HSPA4: variants seen among roughly 807,000 people sequenced by gnomAD.
HSPA4 encodes the protein heat shock 70 kDa protein 4.
In HSPA4, 25 loss-of-function variants were observed where a neutral mutation model predicts 106.2. The ratio of observed to expected loss-of-function variants is 0.24; its 90% CI spans 0.17 to 0.33. The LOEUF is 0.33. HSPA4 is among the 10% of genes least tolerant of loss of function. HSPA4 has a pLI of 1.00. For missense variants in HSPA4, 841 were observed against 996.0 expected (o/e 0.84, Z 2.10); for synonymous variants, 332 against 333.6 (o/e 1.00, Z 0.05).
rs560851068 is a variant in HSPA4 at position 133,104,574 on chromosome 5, G to A, written c.*138G>A. The A allele has an allele frequency of 2.6e-5, 18 of 687,208 alleles. 1 individual carries two copies. In the South Asian group the frequency reaches 3.4e-4, roughly 13 times the overall value. The allele number at this position is 687,208 out of a possible 1,614,324, so 42.6% of individuals were successfully genotyped here. A position where few individuals can be genotyped will look rare whatever the true frequency, so the allele number is the denominator to read the frequency against. On this transcript the variant is annotated 3_prime_UTR_variant, in exon 19 of 19. Coordinates refer to ENST00000304858, the MANE Select transcript of HSPA4 (RefSeq NM_002154.4). Reference sequence around the variant, plus strand: ...GGGGATTTTCGGGGAGGGGAAATAGGTAATGTATGGAGCATTTTCACTTCT... The same window carrying A: ...GGGGATTTTCGGGGAGGGGAAATAGATAATGTATGGAGCATTTTCACTTCT...
At chr5:133,077,704 C>A (rs917336569) in intron 7 of HSPA4, among the ~76,000 whole-genome samples, 12 of 152,108 alleles carry the variant, frequency 7.9e-5, no homozygotes, top group African/African-American at 1.4e-4. Context: ...GTAAGATGTT[C>A]TTTTGGCTGT....
rs1581460028 is a variant in HSPA4 at position 133,052,133 on chromosome 5, C to G, written c.-118C>G. On this transcript the variant is annotated 5_prime_UTR_variant, in exon 1 of 19. Transcript: ENST00000304858. ...GACTTAGGCGCTCGCGTGGACACCG[C>G]AAGCCCCTCAGTAGCCTCGGCCCAA... The G allele has an allele frequency of 1.5e-6, 1 of 681,470 alleles. No individual in the cohort carries two copies. Among genetic ancestry groups the G allele is most frequent in the East Asian group, 2.8e-5 (1 of 36,310 alleles). 42.2% of individuals were successfully genotyped at this position (681,470 alleles called of 1,614,324 possible).
intron 17 of HSPA4, among the ~76,000 whole-genome samples, chr5:133,102,242 T>C (rs1765794859): frequency 1.3e-5 from 2 of 152,220 alleles, no homozygotes; most frequent in Admixed American, 6.5e-5. Context: ...TAAAGTTAAC[T>C]TCTGAGGCAT....
At chr5:133,073,426 G>T (rs962106214) in intron 5 of HSPA4, 97 bp downstream of exon 5, 5 of 767,124 alleles carry the variant, frequency 6.5e-6, no homozygotes, top group Middle Eastern at 2.3e-4. Flanking sequence ...TTTGCTTTCA[G>T]CACTGCTGCT....
chr5:133,074,439 C>A (rs372984845), intron 6 of HSPA4, among the ~76,000 whole-genome samples: 70 of 152,168 alleles, frequency 4.6e-4, no homozygotes, highest in African/African-American at 1.7e-3. Flanking sequence ...CCACCACGCC[C>A]GGCTAATTTT....
At chr5:133,077,864 G>A (rs768642935) in intron 7 of HSPA4, among the ~76,000 whole-genome samples, 4 of 152,094 alleles carry the variant, frequency 2.6e-5, no homozygotes, top group Non-Finnish European at 5.9e-5. Flanking sequence ...GATGGCTTTC[G>A]TTTTTGTTAA....
intron 15 of HSPA4, among the ~76,000 whole-genome samples, chr5:133,097,661 C>T (rs1392670445): frequency 2.0e-5 from 3 of 150,646 alleles, no homozygotes; most frequent in Non-Finnish European, 4.4e-5. Context: ...CAGTTCTCCT[C>T]CCCCAGCCTC....
chr5:133,052,328 C>A lies in HSPA4; in HGVS notation c.78C>A (p.Ile26=), dbSNP rs148931834. The change falls in exon 1 of 19, where the codon ATC becomes ATA. Residue 26 remains isoleucine (I), a synonymous_variant. Transcript: ENST00000304858. ...AVARAGGIET[I]ANEYSDRCTP... ...CCCGCGCCGGCGGCATCGAGACTAT[C>A]GCTAATGAGTATAGCGACCGCTGCA... is the stretch of plus-strand genomic sequence containing the variant. 2 of 1,581,262 alleles carry A rather than the reference C, an allele frequency of 1.3e-6. No individual in the cohort carries two copies. Among genetic ancestry groups the A allele is most frequent in the South Asian group, 2.3e-5 (2 of 87,802 alleles).
At chr5:133,090,840 CATT>C (rs970017424) in intron 11 of HSPA4, among the ~76,000 whole-genome samples, 1 of 151,850 alleles carries the variant, frequency 6.6e-6, no homozygotes, top group Non-Finnish European at 1.5e-5. Context: ...AGAGTGGAAT[CATT>C]TTTTTTTTCT....
chr5:133,056,514 GC>G (rs1765166981), intron 1 of HSPA4, among the ~76,000 whole-genome samples: 1 of 152,104 alleles, frequency 6.6e-6, no homozygotes. Context: ...CAAGTGATCC[GC>G]CCGCCTTGAC....
At chr5:133,075,191 G>A (rs1765433192) in intron 6 of HSPA4, among the ~76,000 whole-genome samples, 1 of 152,162 alleles carries the variant, frequency 6.6e-6, no homozygotes, top group South Asian at 2.1e-4. Context: ...GGAAATGAGA[G>A]ATTTGTGATT....
intron 2 of HSPA4, 93 bp from the exon 3 acceptor site, chr5:133,067,324 T>TA: frequency 7.2e-6 from 8 of 1,112,942 alleles, no homozygotes; most frequent in Non-Finnish European, 1.0e-5. Context: ...AGACTCTATA[T>TA]AAAGTTAAAA....
rs767553857 is a variant in HSPA4, at chr5:133,101,731, T to C, written c.2038-28T>C. ...AGTACTCTGGATCGTTGAACTGCCG[T>C]ATGAAGACTGTGTATTCTTCTGTTA... On this transcript the variant is annotated intron_variant, in intron 16 of 18. Transcript: ENST00000304858. 1.9e-6 allele frequency: 3 copies of C among 1,601,048 alleles called. No individual in the cohort carries two copies. The Admixed American group carries it at 5.3e-5, about 28-fold the overall frequency.
intron 16 of HSPA4, 27 bp from the exon 17 acceptor site, chr5:133,101,732 A>G (rs1306696559): frequency 5.6e-6 from 9 of 1,601,604 alleles, no homozygotes; most frequent in South Asian, 2.3e-5. Context: ...GAACTGCCGT[A>G]TGAAGACTGT....
chr5:133,096,443 A>T (rs1012426950), intron 14 of HSPA4, among the ~76,000 whole-genome samples, 193 bp downstream of exon 14: 1 of 152,228 alleles, frequency 6.6e-6, no homozygotes, highest in East Asian at 1.9e-4. Flanking sequence ...TTATGGTGGT[A>T]CTAAGATGTC....
At chr5:133,091,436 C>G in intron 12 of HSPA4, 62 bp downstream of exon 12, 6 of 1,327,652 alleles carry the variant, frequency 4.5e-6, no homozygotes, top group Non-Finnish European at 4.2e-6. Context: ...GAAATTGTAG[C>G]AAGCAGACTT....
Position 133,089,639 on chromosome 5 carries a change from C to T in HSPA4, c.1322C>T (p.Thr441Ile), listed in dbSNP as rs762565290. Reference protein sequence around the residue: ...VLTFYRKEPFTLEAYYSSPQD... With the variant: ...VLTFYRKEPFILEAYYSSPQD... ...ACATTTTATAGAAAGGAACCTTTCA[C>T]TCTTGAGGCCTACTACAGCTCTCCT... The change falls in exon 11 of 19, where the codon ACT becomes ATT. Residue 441 changes from threonine (T) to isoleucine (I), a missense_variant. By Grantham distance (89) the Thr-to-Ile change is moderately conservative. Around this residue, in one of 5 missense-constraint regions of HSPA4, gnomAD observed 162 missense variants for 177.7 expected, o/e 0.91. Transcript: ENST00000304858. 8 of 1,611,818 alleles carry T rather than the reference C, an allele frequency of 5.0e-6. No individual in the cohort carries two copies. Among genetic ancestry groups the T allele is most frequent in the South Asian group, 4.4e-5 (4 of 90,916 alleles).
Position 133,052,302 on chromosome 5 carries a change from G to A in HSPA4, c.52G>A (p.Ala18Thr). 1 of 1,593,080 alleles carries A rather than the reference G, an allele frequency of 6.3e-7. No homozygotes were observed. Among genetic ancestry groups the A allele is most frequent in the Non-Finnish European group, 8.5e-7 (1 of 1,172,462 alleles). ...LGFQSCYVAV[A>T]RAGGIETIAN... is the part of the protein sequence containing the mutation. ...CTTCCAGAGCTGCTACGTCGCTGTG[G>A]CCCGCGCCGGCGGCATCGAGACTAT... is the stretch of plus-strand genomic sequence containing the variant. Residue 18 changes from alanine (A) to threonine (T), a missense_variant, in exon 1 of 19, where the codon GCC becomes ACC. Physicochemically the swap from Ala to Thr is moderately conservative, Grantham distance 58. Transcript: ENST00000304858.
In HSPA4 at chr5:133,073,984, C is replaced by A. The variant is rs755498072; in HGVS notation, c.530-9C>A. The A allele has an allele frequency of 1.3e-6, 2 of 1,535,880 alleles. No homozygotes were observed. The highest frequency in any genetic ancestry group is 1.3e-5 in the South Asian group (1 of 78,358). On this transcript the variant is annotated splice_polypyrimidine_tract_variant and intron_variant, in intron 5 of 18. Transcript: ENST00000304858. ...GTTATTTTTAATTTTTGTGTTTTTT[C>A]TTCTGTAGTTGCTCTTGCATATGGA... is the stretch of plus-strand genomic sequence containing the variant.
Sources: gnomAD v4.1 joint callset for allele counts (sites outside exome capture counted in the v4.1 genomes callset) on GRCh38, gnomAD v4.1.1 for gene constraint, gnomAD v4.1.1 regional missense constraint, MANE v1.5 for transcripts, NCBI Gene and HGNC (gene_info 2026-07-23, HGNC 2026-07-21) for gene names.